The following ZNF562 variants were observed in gnomAD, a reference collection of about 807,000 sequenced individuals.
The protein encoded by ZNF562 is zinc finger protein 562.
A neutral mutation model predicts 17.5 loss-of-function variants in ZNF562; 13 were observed. The ratio of observed to expected loss-of-function variants is 0.74; its 90% confidence interval spans 0.48 to 1.18. ZNF562 has a LOEUF of 1.18. Among genes scored for constraint, ZNF562 ranks in the 50% most tolerant of loss-of-function variants. The pLI, the probability that ZNF562 is intolerant of heterozygous loss-of-function variation, is 0.00. For missense variants in ZNF562, 481 were observed against 498.5 expected, an observed-to-expected ratio of 0.96 and a Z score of 0.33; for synonymous variants, 163 against 165.4, an observed-to-expected ratio of 0.99 and a Z score of 0.11.
chr19:9,660,629 A>C, intron 2 of ZNF562, 91 bp downstream of exon 2: 1 of 1,290,006 alleles, frequency 7.8e-7, no homozygotes, highest in Non-Finnish European at 1.1e-6. Context: ...AAAAAGCAGC[A>C]TGCCTGTTCA....
rs2074848774 is a variant in ZNF562, at chr19:9,650,293, T to C, written c.*2656A>G. The C allele has an allele frequency of 6.6e-6, 1 of 152,018 alleles. No homozygotes were observed. Among genetic ancestry groups the C allele is most frequent in the Non-Finnish European group, 1.5e-5 (1 of 68,010 alleles). The allele number at this position is 152,018 out of a possible 1,614,324, so 9.4% of individuals were successfully genotyped here. On this transcript the variant is annotated 3_prime_UTR_variant, in exon 6 of 6. Coordinates refer to ENST00000453372, the MANE Select transcript of ZNF562 (RefSeq NM_001130031.2). ...GTCCAAAGTACTTAATATGATTCTTTTCTCTTTCCACATAGAGAATCAGAT... is the reference window on the plus strand; with the variant it reads ...GTCCAAAGTACTTAATATGATTCTTCTCTCTTTCCACATAGAGAATCAGAT...
rs1204734401 is a variant in ZNF562 at position 9,644,036 on chromosome 19, A to G, written c.*8913T>C. 1 of 151,912 alleles carries G rather than the reference A, an allele frequency of 6.6e-6. No homozygotes were observed. The highest frequency in any genetic ancestry group is 1.9e-4 in the East Asian group (1 of 5,172). 9.4% of individuals were successfully genotyped at this position (151,912 alleles called of 1,614,324 possible). A position where few individuals can be genotyped will look rare whatever the true frequency, so the allele number is the denominator to read the frequency against. The stretch of plus-strand genomic sequence containing the variant: ...TCATCTCAATCTGACCTTGTGATCC[A>G]CCTGCCTCAGCCTCCCAAAGTGCTG... On this transcript the variant is annotated 3_prime_UTR_variant, in exon 6 of 6. Transcript: ENST00000453372.
rs974922197 is a variant in ZNF562, at chr19:9,649,892, G to A, written c.*3057C>T. On this transcript the variant is annotated 3_prime_UTR_variant, in exon 6 of 6. Transcript: ENST00000453372. ...CTAATAAAAACTTGCTGGTTTTTGC[G>A]GCTTGTGGGGCATCACGGAACCTAC... 3.9e-5 allele frequency: 6 copies of A among 152,110 alleles called. No individual in the cohort carries two copies. Among genetic ancestry groups the A allele is most frequent in the African/African-American group, 9.6e-5 (4 of 41,518 alleles). 9.4% of individuals were successfully genotyped at this position (152,110 alleles called of 1,614,324 possible).
At position 9,652,902 on chromosome 19, in the gene ZNF562, A is replaced by G. The variant is rs374668715; in HGVS notation, c.*47T>C. ...AAAGGTTTCTCTCTGGTAGGAGTTC[A>G]CAGGTGGGGTGAGGAATACAGAAAT... On this transcript the variant is annotated 3_prime_UTR_variant, in exon 6 of 6. Coordinates refer to ENST00000453372, the MANE Select transcript of ZNF562 (RefSeq NM_001130031.2). 2.5e-5 allele frequency: 37 copies of G among 1,455,656 alleles called. No homozygotes were observed. The highest frequency in any genetic ancestry group is 3.2e-5 in the Non-Finnish European group (35 of 1,100,648). The allele number at this position is 1,455,656 out of a possible 1,614,324, so 90.2% of individuals were successfully genotyped here.
chr19:9,658,953 C>G (rs1346504328), intron 3 of ZNF562, among the ~76,000 whole-genome samples: 2 of 152,320 alleles, frequency 1.3e-5, no homozygotes, highest in African/African-American at 4.8e-5. Context: ...CCACTGCACA[C>G]TGCTTACATT....
intron 3 of ZNF562, among the ~76,000 whole-genome samples, chr19:9,658,986 A>G (rs1337981848): frequency 3.3e-5 from 5 of 152,132 alleles, no homozygotes; most frequent in African/African-American, 7.2e-5. Context: ...ACAGGCTAGG[A>G]GCTCTTCCTG....
rs2074774852 is a variant in ZNF562, at chr19:9,641,982, G to T, written c.*10967C>A. Reference sequence around the variant, plus strand: ...GACGTTACAAAGTACATTCTCAAGGGCGGGGAGGATGTTACAAAGTACATT... The same window carrying T: ...GACGTTACAAAGTACATTCTCAAGGTCGGGGAGGATGTTACAAAGTACATT... On this transcript the variant is annotated 3_prime_UTR_variant, in exon 6 of 6. Coordinates refer to ENST00000453372, the MANE Select transcript of ZNF562 (RefSeq NM_001130031.2). The T allele has an allele frequency of 6.6e-6, 1 of 151,770 alleles. No individual in the cohort carries two copies. Among genetic ancestry groups the T allele is most frequent in the African/African-American group, 2.4e-5 (1 of 41,182 alleles). The allele number at this position is 151,770 out of a possible 1,614,324, so 9.4% of individuals were successfully genotyped here.
At chr19:9,656,464 G>A (rs374757313) in intron 5 of ZNF562, 83 bp downstream of exon 5, 1 of 1,456,468 alleles carries the variant, frequency 6.9e-7, no homozygotes, top group Non-Finnish European at 9.6e-7. Context: ...AGCTGAGATG[G>A]TGCCACTGCA....
intron 1 of ZNF562, among the ~76,000 whole-genome samples, chr19:9,672,618 A>G (rs780198181): frequency 6.6e-5 from 10 of 152,110 alleles, no homozygotes; most frequent in Non-Finnish European, 1.3e-4. Context: ...CTGATACTAG[A>G]ATACTATTCT....
intron 1 of ZNF562, among the ~76,000 whole-genome samples, chr19:9,668,950 TA>T (rs149683337): frequency 0.14 from 20,101 of 144,756 alleles, 1,574 homozygotes; most frequent in Admixed American, 0.25. Context: ...TCTCTCAGCA[TA>T]AAAAAAAAAA....
At chr19:9,654,013 C>CTGTTTT (rs2043367837) in intron 5 of ZNF562, 132 bp from the exon 6 acceptor site, 1 of 968,836 alleles carries the variant, frequency 1.0e-6, no homozygotes. Flanking sequence ...TTTTTTGAGA[C>CTGTTTT]AGAGTCTTGT....
chr19:9,663,422 A>G (rs1455297693), intron 1 of ZNF562, among the ~76,000 whole-genome samples: 1 of 151,624 alleles, frequency 6.6e-6, no homozygotes, highest in African/African-American at 2.4e-5. Flanking sequence ...AAAAAAAAAA[A>G]AAAGGAAAAA....
At chr19:9,654,030 TC>T in intron 5 of ZNF562, 149 bp from the exon 6 acceptor site, 1 of 992,498 alleles carries the variant, frequency 1.0e-6, no homozygotes, top group Non-Finnish European at 1.4e-6. Flanking sequence ...TTGTTCTATC[TC>T]CCAGTCTACA....
chr19:9,664,789 G>A (rs1321607417), intron 1 of ZNF562, among the ~76,000 whole-genome samples: 1 of 151,824 alleles, frequency 6.6e-6, no homozygotes, highest in African/African-American at 2.4e-5. Context: ...ACTCTGGGAG[G>A]CCAAGGCGGG....
intron 4 of ZNF562, among the ~76,000 whole-genome samples, 162 bp from the exon 5 acceptor site, chr19:9,656,815 G>C (rs1183512506): frequency 2.6e-5 from 4 of 151,114 alleles, no homozygotes; most frequent in Non-Finnish European, 4.4e-5. Flanking sequence ...ACGAGGTCAG[G>C]AGATCAAGAC....
Position 9,645,917 on chromosome 19 carries a change from T to C in ZNF562, c.*7032A>G, listed in dbSNP as rs1310798727. The C allele has an allele frequency of 6.6e-6, 1 of 151,954 alleles. No individual in the cohort carries two copies. The highest frequency in any genetic ancestry group is 1.5e-5 in the Non-Finnish European group (1 of 67,996). The allele number at this position is 151,954 out of a possible 1,614,324, so 9.4% of individuals were successfully genotyped here. On this transcript the variant is annotated 3_prime_UTR_variant, in exon 6 of 6. Coordinates refer to ENST00000453372, the MANE Select transcript of ZNF562 (RefSeq NM_001130031.2). ...TCAAGAATAAAATAAATTAAAGGTA[T>C]GATCAATACACATCAGTACAAAGAG...
intron 1 of ZNF562, among the ~76,000 whole-genome samples, chr19:9,666,360 G>A (rs2043960229): frequency 6.6e-6 from 1 of 150,486 alleles, no homozygotes; most frequent in Admixed American, 6.6e-5. Flanking sequence ...ATGGAACTTT[G>A]TTTTGGTTTT....
intron 1 of ZNF562, among the ~76,000 whole-genome samples, chr19:9,669,734 GCACACACACA>G (rs71188835): frequency 9.7e-4 from 106 of 109,338 alleles, no homozygotes; most frequent in East Asian, 8.6e-3. Flanking sequence ...GCGCGCGCGC[GCACACACACA>G]CACACACACA....
At chr19:9,664,041 C>A (rs2043856729) in intron 1 of ZNF562, among the ~76,000 whole-genome samples, 2 of 152,082 alleles carry the variant, frequency 1.3e-5, no homozygotes, top group Non-Finnish European at 2.9e-5. Flanking sequence ...AGGTGTGAGC[C>A]ACCACACCTG....
Sources: allele counts gnomAD v4.1 joint callset (sites outside exome capture counted in the v4.1 genomes callset), GRCh38; gene constraint gnomAD v4.1.1; transcripts MANE v1.5; gene names NCBI Gene and HGNC (gene_info 2026-07-23, HGNC 2026-07-21).